TNIK: variants seen among roughly 807,000 people sequenced by gnomAD.
The protein encoded by TNIK is TRAF2 and NCK-interacting protein kinase.
TNIK carries 49 observed loss-of-function variants against 191.3 expected under a neutral mutation model. The ratio of observed to expected loss-of-function variants is 0.26; its 90% CI spans 0.20 to 0.32. TNIK has a LOEUF of 0.32. Among genes scored for constraint, TNIK ranks in the 10% least tolerant of loss-of-function variants. The pLI, the probability that TNIK is intolerant of heterozygous loss-of-function variation, is 1.00. For missense variants in TNIK, 1,155 were observed against 1,702.3 expected (o/e 0.68, Z 5.66); for synonymous variants, 594 against 600.9 (o/e 0.99, Z 0.17).
intron 11 of TNIK, among the ~76,000 whole-genome samples, chr3:171,160,163 A>G (rs770139216): frequency 5.3e-5 from 8 of 152,208 alleles, no homozygotes; most frequent in African/African-American, 1.2e-4. Flanking sequence ...GACGGCCAAC[A>G]TGCTATGTAT....
intron 2 of TNIK, among the ~76,000 whole-genome samples, chr3:171,264,297 C>A (rs1391688405): frequency 6.6e-6 from 1 of 150,700 alleles, no homozygotes; most frequent in Non-Finnish European, 1.5e-5. Flanking sequence ...TACATCATTG[C>A]ATATAGACAT....
At chr3:171,187,074 C>A (rs1015899410) in intron 7 of TNIK, among the ~76,000 whole-genome samples, 2 of 152,186 alleles carry the variant, frequency 1.3e-5, no homozygotes, top group African/African-American at 4.8e-5. Flanking sequence ...GTTGTAAGAG[C>A]TGCAAACGCT....
chr3:171,108,230 G>T, intron 19 of TNIK, 68 bp from the exon 20 acceptor site: 1 of 1,257,788 alleles, frequency 8.0e-7, no homozygotes, highest in Non-Finnish European at 1.1e-6. Context: ...AGTTCTGAAT[G>T]AATTATCTGT....
rs1255536965 is a variant in TNIK at position 171,334,997 on chromosome 3, T to C, written c.123+34623A>G. Reference sequence around the variant, plus strand: ...CTTTCAGAGTCTTCAGAGATACAAATAAACAATGCACCCTTCCTTCCCCAA... The same window carrying C: ...CTTTCAGAGTCTTCAGAGATACAAACAAACAATGCACCCTTCCTTCCCCAA... On this transcript the variant is annotated intron_variant, in intron 2 of 32. Transcript: ENST00000436636. 2.6e-5 allele frequency among the ~76,000 whole-genome samples: 3 copies of C among 113,238 alleles called. No individual in the cohort carries two copies. In the South Asian group the frequency reaches 8.6e-4, roughly 32 times the overall value. 74.3% of individuals were successfully genotyped at this position (113,238 alleles called of 152,430 possible). A position where few individuals can be genotyped will look rare whatever the true frequency, so the allele number is the denominator to read the frequency against.
chr3:171,413,314 C>T (rs1722640668), intron 1 of TNIK, among the ~76,000 whole-genome samples: 1 of 152,108 alleles, frequency 6.6e-6, no homozygotes, highest in African/African-American at 2.4e-5. Flanking sequence ...AGGATAAAAT[C>T]CAGTCTCTTT....
intron 12 of TNIK, among the ~76,000 whole-genome samples, chr3:171,148,125 A>AC (rs1731892935): frequency 6.6e-6 from 1 of 152,082 alleles, no homozygotes; most frequent in Non-Finnish European, 1.5e-5. Flanking sequence ...TATCCAACCT[A>AC]CCCTTTGAGA....
chr3:171,106,546 T>C, intron 21 of TNIK: 1 of 359,840 alleles, frequency 2.8e-6, no homozygotes, highest in Non-Finnish European at 5.9e-6. Flanking sequence ...CAAATTCTAC[T>C]CTGCTGTATT....
intron 2 of TNIK, among the ~76,000 whole-genome samples, chr3:171,230,546 T>A (rs1462077400): frequency 6.6e-6 from 1 of 152,144 alleles, no homozygotes; most frequent in Non-Finnish European, 1.5e-5. Context: ...GGCTCCCACT[T>A]GCTCTTACTC....
At chr3:171,318,476 T>G (rs1279825445) in intron 2 of TNIK, among the ~76,000 whole-genome samples, 1 of 152,108 alleles carries the variant, frequency 6.6e-6, no homozygotes, top group African/African-American at 2.4e-5. Context: ...CAAAATTTCT[T>G]AAGTTAATTC....
chr3:171,255,379 C>T (rs1322687476), intron 2 of TNIK, among the ~76,000 whole-genome samples: 1 of 152,130 alleles, frequency 6.6e-6, no homozygotes, highest in South Asian at 2.1e-4. Context: ...CTGGTTACAA[C>T]CATCTTAGCT....
intron 1 of TNIK, among the ~76,000 whole-genome samples, chr3:171,433,875 CA>C (rs1725670656): frequency 6.8e-6 from 1 of 148,056 alleles, no homozygotes; most frequent in Non-Finnish European, 1.5e-5. Flanking sequence ...TTTCTTATTA[CA>C]TTAATTTCTA....
chr3:171,312,153 G>C (rs1158978617), intron 2 of TNIK, among the ~76,000 whole-genome samples: 1 of 140,308 alleles, frequency 7.1e-6, no homozygotes, highest in African/African-American at 2.6e-5. Context: ...GGCTAGACTG[G>C]CATATCTGAT....
In TNIK at chr3:171,188,848, C is replaced by A; in HGVS notation, c.509-16G>T. The stretch of plus-strand genomic sequence containing the variant: ...CCAAAGTCCACTATTTAAGAAAAGA[C>A]AAGTAAATAAAGTCTGTGATCATAG... On this transcript the variant is annotated splice_polypyrimidine_tract_variant and intron_variant, in intron 6 of 32. Coordinates refer to ENST00000436636, the MANE Select transcript of TNIK (RefSeq NM_015028.4). 1.2e-6 allele frequency: 2 copies of A among 1,611,456 alleles called. No homozygotes were observed. The highest frequency in any genetic ancestry group is 1.7e-6 in the Non-Finnish European group (2 of 1,178,536).
At chr3:171,429,028 C>A (rs1308392679) in intron 1 of TNIK, among the ~76,000 whole-genome samples, 1 of 152,116 alleles carries the variant, frequency 6.6e-6, no homozygotes, top group East Asian at 1.9e-4. Context: ...TTTATCATTC[C>A]ATCAAGTACT....
chr3:171,193,927 G>A (rs1212287134), intron 5 of TNIK, among the ~76,000 whole-genome samples: 2 of 152,134 alleles, frequency 1.3e-5, no homozygotes, highest in Non-Finnish European at 2.9e-5. Flanking sequence ...CCTGATTGGG[G>A]GATGTGTGGG....
intron 4 of TNIK, among the ~76,000 whole-genome samples, chr3:171,204,352 T>C (rs1739801965): frequency 6.6e-6 from 1 of 152,202 alleles, no homozygotes. Flanking sequence ...AGATTATAAT[T>C]CAATCAGACA....
At chr3:171,368,398 C>A (rs1246647996) in intron 2 of TNIK, among the ~76,000 whole-genome samples, 1 of 152,206 alleles carries the variant, frequency 6.6e-6, no homozygotes, top group Non-Finnish European at 1.5e-5. Flanking sequence ...GTAACACAAT[C>A]TTCCAACCTA....
At position 171,126,275 on chromosome 3, in the gene TNIK, C is replaced by CT. The variant is rs530729342; in HGVS notation, c.1774-125dup. On this transcript the variant is annotated intron_variant, in intron 16 of 32. Coordinates refer to ENST00000436636, the MANE Select transcript of TNIK (RefSeq NM_015028.4). Reference sequence around the variant, plus strand: ...GCACAAAAATTGGACTATAGAGAGTCTATCACAACTATATATAGCATGTTT... The same window carrying CT: ...GCACAAAAATTGGACTATAGAGAGTCTTATCACAACTATATATAGCATGTTT... 1.6e-4 allele frequency: 188 copies of CT among 1,201,506 alleles called. 1 individual carries two copies. The African/African-American group carries it at 2.5e-3, about 16-fold the overall frequency. 74.4% of individuals were successfully genotyped at this position (1,201,506 alleles called of 1,614,324 possible).
At chr3:171,410,358 A>C (rs1221071678) in intron 1 of TNIK, among the ~76,000 whole-genome samples, 1 of 152,146 alleles carries the variant, frequency 6.6e-6, no homozygotes, top group Non-Finnish European at 1.5e-5. Flanking sequence ...GCTGGCTGAC[A>C]CCTCTCTCCA....
Sources: allele counts gnomAD v4.1 joint callset (sites outside exome capture counted in the v4.1 genomes callset), GRCh38; gene constraint gnomAD v4.1.1; transcripts MANE v1.5; gene names NCBI Gene and HGNC (gene_info 2026-07-23, HGNC 2026-07-21).